Variants in PPFIBP1 observed in about 807,000 individuals in gnomAD.
PPFIBP1 encodes liprin-beta-1.
A neutral mutation model predicts 137.8 loss-of-function variants in PPFIBP1; 112 were observed. That is an observed-to-expected ratio of 0.81 (90% CI 0.70 to 0.95). The LOEUF is 0.95. Ranked by LOEUF, PPFIBP1 falls within the 40% of genes least tolerant of loss-of-function variation. The probability of loss-of-function intolerance (pLI) is 0.00; values close to 1 mark genes in which losing one functional copy is unlikely to be tolerated. For synonymous variants in PPFIBP1, 378 were observed against 417.3 expected (o/e 0.91, Z 1.15); for missense variants, 1,083 against 1,196.6 (o/e 0.91, Z 1.40).
chr12:27,578,948 G>A (rs2050816677), intron 2 of PPFIBP1, among the ~76,000 whole-genome samples: 1 of 152,200 alleles, frequency 6.6e-6, no homozygotes, highest in South Asian at 2.1e-4. Flanking sequence ...CAGTGAGTGT[G>A]AACTGTCTGA....
intron 11 of PPFIBP1, among the ~76,000 whole-genome samples, chr12:27,662,618 G>A (rs996529958): frequency 6.6e-6 from 1 of 152,106 alleles, no homozygotes; most frequent in Non-Finnish European, 1.5e-5. Flanking sequence ...TTCTGGTTTG[G>A]GCAATTGGGT....
rs773718797 is a variant in PPFIBP1, at chr12:27,692,882, A to C, written c.3018A>C (p.Ter1006CysextTer2). Residue 1006 changes from the stop codon to cysteine (C), a stop_lost, in exon 30 of 30, where the codon TGA becomes TGC. Coordinates refer to ENST00000228425, the MANE Select transcript of PPFIBP1 (RefSeq NM_003622.4). ...TTACAGATGAAGACTCAAACGTTTG[A>C]CCGTAGCACCTGGATGAACATTAGG... Reference protein sequence around the residue: ...ASITDEDSNV* With the variant: ...ASITDEDSNVC 1 of 1,614,012 alleles carries C rather than the reference A, an allele frequency of 6.2e-7. No individual in the cohort carries two copies. The highest frequency in any genetic ancestry group is 8.5e-7 in the Non-Finnish European group (1 of 1,179,966).
chr12:27,649,882 A>AT lies in PPFIBP1; in HGVS notation c.472-126dup, dbSNP rs1381100367. On this transcript the variant is annotated intron_variant, in intron 6 of 29. Transcript: ENST00000228425. Reference sequence around the variant, plus strand: ...TGAATAATTTTTTAAAAGTGTGTAGATTCAGTAATTATACTTCACTATATC... The same window carrying AT: ...TGAATAATTTTTTAAAAGTGTGTAGATTTCAGTAATTATACTTCACTATATC... 7.5e-5 allele frequency: 65 copies of AT among 870,470 alleles called. 2 individuals are homozygous for AT. In the South Asian group the frequency reaches 1.3e-3, roughly 17 times the overall value. 53.9% of individuals were successfully genotyped at this position (870,470 alleles called of 1,614,324 possible). A position where few individuals can be genotyped will look rare whatever the true frequency, so the allele number is the denominator to read the frequency against.
chr12:27,590,910 G>A (rs1250427253), intron 2 of PPFIBP1, among the ~76,000 whole-genome samples: 7 of 152,166 alleles, frequency 4.6e-5, no homozygotes. Flanking sequence ...TAGATCTAGA[G>A]GGAAGCAGTT....
At chr12:27,543,409 A>G (rs1945873594) in intron 1 of PPFIBP1, among the ~76,000 whole-genome samples, 2 of 152,194 alleles carry the variant, frequency 1.3e-5, no homozygotes, top group Admixed American at 1.3e-4. Flanking sequence ...TCAACTTAGT[A>G]TTAGAATATG....
rs1421555223 is a variant in PPFIBP1 at position 27,672,449 on chromosome 12, G to A, written c.1285G>A (p.Ala429Thr). The part of the protein sequence containing the change: ...EENDGNIILG[A>T]TVDTQLCDKL... ...TAGTGATGGAAACATAATCCTTGGT[G>A]CCACTGTTGATACCCAACTGTGTGA... Residue 429 changes from alanine to threonine, a missense_variant, in exon 15 of 30, where the codon GCC becomes ACC. Coordinates refer to ENST00000228425, the MANE Select transcript of PPFIBP1 (RefSeq NM_003622.4). The A allele has an allele frequency of 3.7e-6, 6 of 1,609,044 alleles. No homozygotes were observed. In the East Asian group the frequency reaches 1.3e-4, roughly 36 times the overall value.
intron 13 of PPFIBP1, among the ~76,000 whole-genome samples, chr12:27,667,570 C>A (rs2059932756): frequency 6.6e-6 from 1 of 152,248 alleles, no homozygotes; most frequent in African/African-American, 2.4e-5. Context: ...TTATACACTC[C>A]TTACTTTGCA....
Position 27,684,209 on chromosome 12 carries a change from A to C in PPFIBP1, c.2247+1506A>C, listed in dbSNP as rs904370496. On this transcript the variant is annotated intron_variant, in intron 24 of 29. Coordinates refer to ENST00000228425, the MANE Select transcript of PPFIBP1 (RefSeq NM_003622.4). ...TGGCAACCTCCACCTCCCAGGTTCA[A>C]GTGATTCTCCTGCCTCAGCCACCCG... 2.6e-5 allele frequency among the ~76,000 whole-genome samples: 4 copies of C among 151,798 alleles called. No individual in the cohort carries two copies. The East Asian group carries it at 7.7e-4, about 29-fold the overall frequency.
chr12:27,578,603 C>G (rs948154649), intron 2 of PPFIBP1, among the ~76,000 whole-genome samples: 15 of 152,106 alleles, frequency 9.9e-5, no homozygotes, highest in Admixed American at 4.6e-4. Context: ...TCTACACCAG[C>G]GAGAATTGCT....
rs533219363 is a variant in PPFIBP1 at position 27,657,662 on chromosome 12, G to A, written c.811+932G>A. ...CTGCAGGTATCACAATTCCCTGTCC[G>A]TCAGAAAATTCATCAAGCCTGAGGA... On this transcript the variant is annotated intron_variant, in intron 9 of 29. Transcript: ENST00000228425. Among the ~76,000 whole-genome samples, 39 of 152,048 alleles carry A rather than the reference G, an allele frequency of 2.6e-4. 1 individual carries two copies. The highest frequency in any genetic ancestry group is 3.4e-3 in the Middle Eastern group (1 of 294).
chr12:27,574,619 G>C (rs1337408675), intron 1 of PPFIBP1, among the ~76,000 whole-genome samples: 3 of 152,056 alleles, frequency 2.0e-5, no homozygotes, highest in African/African-American at 7.2e-5. Flanking sequence ...ATTATGCAGA[G>C]GTATATTTTA....
rs1312460789 is a variant in PPFIBP1 at position 27,677,049 on chromosome 12, T to C, written c.1583-15T>C. The C allele has an allele frequency of 1.9e-6, 3 of 1,614,092 alleles. No homozygotes were observed. The highest frequency in any genetic ancestry group is 2.7e-5 in the African/African-American group (2 of 74,942). ...GGGCTGCGTGTGATTGTGTGCGTTG[T>C]TGGGATATCTGAAGATCGTAAACGA... is the stretch of plus-strand genomic sequence containing the variant. On this transcript the variant is annotated splice_polypyrimidine_tract_variant and intron_variant, in intron 18 of 29. Coordinates refer to ENST00000228425, the MANE Select transcript of PPFIBP1 (RefSeq NM_003622.4).
chr12:27,532,359 A>G (rs1944505784), intron 1 of PPFIBP1, among the ~76,000 whole-genome samples: 1 of 152,198 alleles, frequency 6.6e-6, no homozygotes, highest in South Asian at 2.1e-4. Context: ...ATATTTTAAG[A>G]AGTAAAAAAC....
rs780675299 is a variant in PPFIBP1 at position 27,634,685 on chromosome 12, GGCC to G, written c.65-224_65-222del. On this transcript the variant is annotated intron_variant, in intron 3 of 29. Transcript: ENST00000228425. ...CTTTTTCTTTCTATACCCCATGATT[GGCC>G]TCCTAGTTACGAACTGGACCATGGA... 1.4e-3 allele frequency among the ~76,000 whole-genome samples: 216 copies of G among 152,176 alleles called. 1 individual carries two copies. The highest frequency in any genetic ancestry group is 1.3e-3 in the Non-Finnish European group (90 of 67,990).
At chr12:27,613,620 T>G (rs2055397712) in intron 2 of PPFIBP1, among the ~76,000 whole-genome samples, 1 of 149,588 alleles carries the variant, frequency 6.7e-6, no homozygotes, top group African/African-American at 2.5e-5. Flanking sequence ...GGAGAATCGC[T>G]CGAACCTGGG....
At position 27,555,317 on chromosome 12, in the gene PPFIBP1, A is replaced by G. The variant is rs1014734423; in HGVS notation, c.-123-22835A>G. The stretch of plus-strand genomic sequence containing the variant: ...TGTGGCATAGATCATAGAAAGCACA[A>G]TAACTGCTTGTTTCTCATGAGAGCT... On this transcript the variant is annotated intron_variant, in intron 1 of 29. Coordinates refer to ENST00000228425, the MANE Select transcript of PPFIBP1 (RefSeq NM_003622.4). Among the ~76,000 whole-genome samples the G allele has an allele frequency of 7.2e-5, 11 of 152,342 alleles. No homozygotes were observed. In the East Asian group the frequency reaches 2.1e-3, roughly 29 times the overall value.
At chr12:27,668,177 T>C (rs2059975627) in intron 13 of PPFIBP1, among the ~76,000 whole-genome samples, 1 of 152,146 alleles carries the variant, frequency 6.6e-6, no homozygotes, top group Non-Finnish European at 1.5e-5. Context: ...CTAAGTCCCA[T>C]TCCAGTGAGG....
chr12:27,589,126 G>A (rs1245284227), intron 2 of PPFIBP1, among the ~76,000 whole-genome samples: 1 of 152,178 alleles, frequency 6.6e-6, no homozygotes, highest in Admixed American at 6.5e-5. Context: ...AGGTTGTCCT[G>A]CATGCTATAT....
At chr12:27,594,435 C>T (rs2052946146) in intron 2 of PPFIBP1, among the ~76,000 whole-genome samples, 1 of 152,176 alleles carries the variant, frequency 6.6e-6, no homozygotes, top group African/African-American at 2.4e-5. Flanking sequence ...ACCTTGGCCT[C>T]CCAAAATGCT....
Sources: allele counts gnomAD v4.1 joint callset (sites outside exome capture counted in the v4.1 genomes callset), GRCh38; gene constraint gnomAD v4.1.1; transcripts MANE v1.5; gene names NCBI Gene and HGNC (gene_info 2026-07-23, HGNC 2026-07-21).